Variants in TAS2R1 observed in about 807,000 individuals in gnomAD.
TAS2R1 encodes taste 2 receptor member 1, also known as taste receptor type 2 member 1.
For missense variants in TAS2R1, 370 were observed against 353.4 expected (o/e 1.05, Z -0.38); for synonymous variants, 141 against 134.2 (o/e 1.05, Z -0.35).
chr5:9,749,618 A>G, the TAS2R1 span, among the ~76,000 whole-genome samples: 1 of 152,196 alleles, frequency 6.6e-6, no homozygotes, highest in East Asian at 1.9e-4. Context: ...AATGTGGGAG[A>G]TGCTTTCCAC....
the TAS2R1 span, among the ~76,000 whole-genome samples, chr5:9,734,959 T>C: frequency 3.3e-5 from 5 of 151,612 alleles, no homozygotes; most frequent in Admixed American, 2.6e-4. Flanking sequence ...GAGTAATTTA[T>C]GAAGAAAAGA....
upstream of TAS2R1, among the ~76,000 whole-genome samples, chr5:9,715,059 G>T (rs1249101637): frequency 1.3e-5 from 2 of 152,188 alleles, no homozygotes; most frequent in African/African-American, 4.8e-5. Context: ...CTAAGGAAAG[G>T]GGACTCCAGG....
At chr5:9,710,816 T>A (rs1741716150) in intron 1 of TAS2R1, among the ~76,000 whole-genome samples, 1 of 150,526 alleles carries the variant, frequency 6.6e-6, no homozygotes, top group Admixed American at 6.7e-5. Flanking sequence ...ATTAAGGCAA[T>A]GCAAATCAAA....
chr5:9,880,472 G>A, the TAS2R1 span, among the ~76,000 whole-genome samples: 61 of 152,264 alleles, frequency 4.0e-4, no homozygotes, highest in East Asian at 1.7e-3. Context: ...ATTCTCTGTC[G>A]TAGATCTAGA....
the TAS2R1 span, among the ~76,000 whole-genome samples, chr5:9,805,506 C>A: frequency 6.6e-6 from 1 of 152,108 alleles, no homozygotes; most frequent in Non-Finnish European, 1.5e-5. Flanking sequence ...CAACAAAATA[C>A]TAGCTAACAG....
At chr5:9,858,130 G>A in the TAS2R1 span, among the ~76,000 whole-genome samples, 1 of 152,244 alleles carries the variant, frequency 6.6e-6, no homozygotes, top group Non-Finnish European at 1.5e-5. Flanking sequence ...TGGCCCTAGG[G>A]TAGATCCAAA....
the TAS2R1 span, among the ~76,000 whole-genome samples, chr5:9,866,983 C>A: frequency 6.6e-6 from 1 of 152,122 alleles, no homozygotes; most frequent in African/African-American, 2.4e-5. Context: ...ACGTGGTCAG[C>A]CAAAAACAGA....
the TAS2R1 span, among the ~76,000 whole-genome samples, chr5:9,858,163 C>G: frequency 1.3e-4 from 20 of 152,136 alleles, no homozygotes; most frequent in East Asian, 3.9e-3. Flanking sequence ...CAGTCTGGAT[C>G]CTGGGGCTGA....
chr5:9,856,315 A>G, the TAS2R1 span, among the ~76,000 whole-genome samples: 821 of 152,232 alleles, frequency 5.4e-3, 8 homozygotes, highest in African/African-American at 0.019. Flanking sequence ...AGCACAAGAT[A>G]CAGAGGTCAA....
intron 1 of TAS2R1, among the ~76,000 whole-genome samples, chr5:9,707,511 C>T (rs1741640367): frequency 1.3e-5 from 2 of 152,102 alleles, no homozygotes; most frequent in South Asian, 2.1e-4. Context: ...GGGGAAACCC[C>T]GTCTCTAGTG....
chr5:9,864,695 T>C, the TAS2R1 span, among the ~76,000 whole-genome samples: 2 of 148,104 alleles, frequency 1.4e-5, no homozygotes, highest in East Asian at 3.9e-4. Flanking sequence ...GATGATAGAG[T>C]GCTCTATCAT....
At chr5:9,692,421 C>A (rs1348109023) in intron 1 of TAS2R1, among the ~76,000 whole-genome samples, 1 of 152,218 alleles carries the variant, frequency 6.6e-6, no homozygotes, top group Admixed American at 6.5e-5. Context: ...GACGCTCCCC[C>A]AACAAAGTCC....
the TAS2R1 span, among the ~76,000 whole-genome samples, chr5:9,876,700 C>T: frequency 0.083 from 12,614 of 152,150 alleles, 552 homozygotes; most frequent in Non-Finnish European, 0.096. Flanking sequence ...AAATGCAAAT[C>T]GTAACATTAT....
chr5:9,649,625 A>G (rs1333681473), intron 2 of TAS2R1, among the ~76,000 whole-genome samples: 1 of 152,234 alleles, frequency 6.6e-6, no homozygotes, highest in Non-Finnish European at 1.5e-5. Context: ...GTGGATTTTA[A>G]TGAAACACAA....
At chr5:9,846,621 G>C in the TAS2R1 span, among the ~76,000 whole-genome samples, 1 of 152,034 alleles carries the variant, frequency 6.6e-6, no homozygotes, top group African/African-American at 2.4e-5. Flanking sequence ...ACTCTTATGA[G>C]AACTGCATTT....
the TAS2R1 span, among the ~76,000 whole-genome samples, chr5:9,766,263 T>C: frequency 6.6e-6 from 1 of 152,186 alleles, no homozygotes; most frequent in Admixed American, 6.5e-5. Flanking sequence ...CAGAAAGATG[T>C]GAAATAAATG....
chr5:9,775,983 C>T, the TAS2R1 span, among the ~76,000 whole-genome samples: 26 of 152,184 alleles, frequency 1.7e-4, no homozygotes, highest in Admixed American at 3.3e-4. Flanking sequence ...TTGCATGCTT[C>T]CCAAGTCCAC....
At chr5:9,883,326 C>T in the TAS2R1 span, 1 of 152,170 alleles carries the variant, frequency 6.6e-6, no homozygotes, top group African/African-American at 2.4e-5. Flanking sequence ...CCATGGCACA[C>T]ATTTACCTGT....
chr5:9,735,335 C>T, the TAS2R1 span, among the ~76,000 whole-genome samples: 3 of 151,374 alleles, frequency 2.0e-5, no homozygotes, highest in Admixed American at 6.6e-5. Flanking sequence ...TGAGAATCTA[C>T]TTTAAGTAAC....
Sources: gnomAD v4.1 joint callset for allele counts (sites outside exome capture counted in the v4.1 genomes callset) on GRCh38, gnomAD v4.1.1 for gene constraint, MANE v1.5 for transcripts, NCBI Gene and HGNC (gene_info 2026-07-23, HGNC 2026-07-21) for gene names.